The following CACNA1A variants were observed in gnomAD, a reference collection of about 807,000 sequenced individuals.
CACNA1A encodes the protein voltage-dependent P/Q-type calcium channel subunit alpha-1A.
In CACNA1A, 57 loss-of-function variants were observed where a neutral mutation model predicts 262.4. The observed-to-expected ratio is 0.22, with a 90% CI of 0.18 to 0.27. The LOEUF (loss-of-function observed/expected upper bound fraction) is 0.27, where lower values mean the gene tolerates loss of function less well. Among genes scored for constraint, CACNA1A ranks in the 10% least tolerant of loss-of-function variants. The pLI is 1.00. For synonymous variants in CACNA1A, 1,431 were observed against 1,419.3 expected (o/e 1.01, Z -0.18); for missense variants, 2,526 against 3,562.8 (o/e 0.71, Z 7.41).
chr19:13,441,231 C>T (rs542387844), intron 3 of CACNA1A, among the ~76,000 whole-genome samples: 102 of 152,302 alleles, frequency 6.7e-4, no homozygotes, highest in African/African-American at 2.4e-3. Context: ...TGGGAATCCA[C>T]TCTAACCCCA....
intron 3 of CACNA1A, among the ~76,000 whole-genome samples, chr19:13,435,892 T>G (rs2060604343): frequency 6.6e-6 from 1 of 152,164 alleles, no homozygotes; most frequent in Admixed American, 6.5e-5. Context: ...TGGCGCAGAC[T>G]CAGCTCACTG....
At chr19:13,216,664 TA>T in intron 38 of CACNA1A, among the ~76,000 whole-genome samples, 1 of 7,332 alleles carries the variant, frequency 1.4e-4, no homozygotes, top group Non-Finnish European at 2.3e-4. Flanking sequence ...TCTATCTATC[TA>T]TCTATCTATC....
intron 1 of CACNA1A, among the ~76,000 whole-genome samples, chr19:13,466,021 G>A (rs913403331): frequency 2.1e-4 from 31 of 146,348 alleles, no homozygotes; most frequent in South Asian, 1.9e-3. Flanking sequence ...AGGGGAGAAG[G>A]AGAGAGACTG....
At chr19:13,270,545 A>G (rs1466269940) in intron 24 of CACNA1A, among the ~76,000 whole-genome samples, 3 of 152,240 alleles carry the variant, frequency 2.0e-5, no homozygotes, top group Admixed American at 6.5e-5. Context: ...AGACCTTCTC[A>G]GGCAAAAGAG....
At position 13,432,875 on chromosome 19, in the gene CACNA1A, C is replaced by T. The variant is rs141432867; in HGVS notation, c.539+20001G>A. Among the ~76,000 whole-genome samples the T allele has an allele frequency of 1.5e-3, 224 of 152,136 alleles. 6 individuals are homozygous for T. The East Asian group carries it at 0.038, about 26-fold the overall frequency. On this transcript the variant is annotated intron_variant, in intron 3 of 46. Coordinates refer to ENST00000360228, the MANE Select transcript of CACNA1A (RefSeq NM_001127222.2). The stretch of plus-strand genomic sequence containing the variant: ...TTAATTTTTCAGTTAGAAAAAAAGT[C>T]AGGCTGGGTGCAGTGGCTCATGTCT...
Position 13,392,121 on chromosome 19 carries a change from C to T in CACNA1A, c.540-20342G>A, listed in dbSNP as rs756784453. ...AGCTACTAAGGAGGCTGAGGCAGGA[C>T]GATACCTTGAGCTCAGGAGGTTGAG... is the stretch of plus-strand genomic sequence containing the variant. On this transcript the variant is annotated intron_variant, in intron 3 of 46. Coordinates refer to ENST00000360228, the MANE Select transcript of CACNA1A (RefSeq NM_001127222.2). Among the ~76,000 whole-genome samples the T allele has an allele frequency of 6.6e-5, 10 of 151,210 alleles. No individual in the cohort carries two copies. In the East Asian group the frequency reaches 1.4e-3, roughly 21 times the overall value.
Position 13,270,840 on chromosome 19 carries a change from T to C in CACNA1A, c.3989+5010A>G, listed in dbSNP as rs546587599. Among the ~76,000 whole-genome samples the C allele has an allele frequency of 7.2e-5, 11 of 152,318 alleles. No homozygotes were observed. In the East Asian group the frequency reaches 2.1e-3, roughly 29 times the overall value. ...AAAGATGCTCCCTGTTGGACTCATG[T>C]CCGTCGGCTCTTCCAAAACCCTGGG... is the stretch of plus-strand genomic sequence containing the variant. On this transcript the variant is annotated intron_variant, in intron 24 of 46. Coordinates refer to ENST00000360228, the MANE Select transcript of CACNA1A (RefSeq NM_001127222.2).
intron 24 of CACNA1A, chr19:13,263,059 T>C (rs548254746): frequency 5.5e-6 from 3 of 541,886 alleles, no homozygotes; most frequent in African/African-American, 3.8e-5. Flanking sequence ...GGTCCCAGGG[T>C]TGGTTGAGGG....
Position 13,212,580 on chromosome 19 carries a change from G to A in CACNA1A, c.6050+51C>T. On this transcript the variant is annotated intron_variant, in intron 41 of 46. Transcript: ENST00000360228. The surrounding 1 kb of genome is among the most constrained non-coding windows in gnomAD (Gnocchi z 5.6). The stretch of plus-strand genomic sequence containing the variant: ...GGCGCTTGGGCAGCTTCCAGAACGT[G>A]GGGACCACGGCACCCCCACACTCCA... The A allele has an allele frequency of 6.6e-7, 1 of 1,513,646 alleles. No individual in the cohort carries two copies. Among genetic ancestry groups the A allele is most frequent in the Non-Finnish European group, 8.9e-7 (1 of 1,123,906 alleles). The allele number at this position is 1,513,646 out of a possible 1,614,324, so 93.8% of individuals were successfully genotyped here.
chr19:13,251,094 G>A (rs1034880181), intron 30 of CACNA1A, among the ~76,000 whole-genome samples: 1 of 145,798 alleles, frequency 6.9e-6, no homozygotes, highest in Non-Finnish European at 1.5e-5. Context: ...ATTGTGCCAC[G>A]GTACTCCAGC....
At chr19:13,455,307 C>T (rs2060987818) in intron 1 of CACNA1A, 95 bp from the exon 2 acceptor site, 2 of 709,972 alleles carry the variant, frequency 2.8e-6, no homozygotes, top group South Asian at 1.5e-5. Flanking sequence ...ATCTCAAGCC[C>T]TCTAGATCCT....
rs995508106 is a variant in CACNA1A at position 13,298,427 on chromosome 19, C to T, written c.3089+117G>A. The T allele has an allele frequency of 7.7e-6, 8 of 1,042,226 alleles. No individual in the cohort carries two copies. In the Admixed American group the frequency reaches 2.1e-4, roughly 28 times the overall value. 64.6% of individuals were successfully genotyped at this position (1,042,226 alleles called of 1,614,324 possible). A position where few individuals can be genotyped will look rare whatever the true frequency, so the allele number is the denominator to read the frequency against. ...TACAGGCGTGAGCCACTGCGCCTGG[C>T]CAAATACAGCATTTTATAATATATT... On this transcript the variant is annotated intron_variant, in intron 19 of 46. Transcript: ENST00000360228.
intron 3 of CACNA1A, among the ~76,000 whole-genome samples, chr19:13,386,871 A>G (rs1427796828): frequency 6.6e-6 from 1 of 152,134 alleles, no homozygotes. Flanking sequence ...TACAGTGACG[A>G]TGTTAGAGTG....
intron 19 of CACNA1A, among the ~76,000 whole-genome samples, chr19:13,294,007 G>A (rs777962556): frequency 1.3e-5 from 2 of 152,014 alleles, no homozygotes; most frequent in African/African-American, 2.4e-5. Flanking sequence ...GAGACATTTT[G>A]TCCCTGTCAC....
At chr19:13,253,762 C>T (rs998150219) in intron 29 of CACNA1A, among the ~76,000 whole-genome samples, 7 of 136,358 alleles carry the variant, frequency 5.1e-5, no homozygotes, top group South Asian at 2.4e-4. Context: ...TTTTTTGAGA[C>T]GGAGTCTCAC....
chr19:13,413,895 A>AAGAAAGAAAAAGAAAGAAAGAAAG (rs1183097814), intron 3 of CACNA1A, among the ~76,000 whole-genome samples: 1 of 119,138 alleles, frequency 8.4e-6, no homozygotes, highest in African/African-American at 4.1e-5. Context: ...GAAAGAAAGA[A>AAGAAAGAAAAAGAAAGAAAGAAAG]AAAGAAAGAA....
chr19:13,255,992 CCTT>C (rs1229073417), intron 28 of CACNA1A, among the ~76,000 whole-genome samples: 2 of 130,622 alleles, frequency 1.5e-5, no homozygotes, highest in Non-Finnish European at 3.3e-5. Context: ...CTCCCTCCTT[CCTT>C]TTTTTTTTTT....
intron 22 of CACNA1A, among the ~76,000 whole-genome samples, chr19:13,279,405 C>G (rs1368136973): frequency 6.6e-6 from 1 of 152,088 alleles, no homozygotes; most frequent in African/African-American, 2.4e-5. Context: ...ATGAAACAGT[C>G]GACAGTACCA....
chr19:13,382,219 G>T (rs1269837570), intron 3 of CACNA1A, among the ~76,000 whole-genome samples: 1 of 152,114 alleles, frequency 6.6e-6, no homozygotes, highest in Non-Finnish European at 1.5e-5. Context: ...TACAGCCTGG[G>T]GACAGCATTA....
Sources: gnomAD v4.1 joint callset for allele counts (sites outside exome capture counted in the v4.1 genomes callset) on GRCh38, gnomAD v4.1.1 for gene constraint, Gnocchi (gnomAD v3.1) non-coding constraint, MANE v1.5 for transcripts, NCBI Gene and HGNC (gene_info 2026-07-23, HGNC 2026-07-21) for gene names.